SLC2A9: variants seen among roughly 807,000 people sequenced by gnomAD.
The protein encoded by SLC2A9 is solute carrier family 2 member 9.
Under a neutral mutation model 50.6 loss-of-function variants are expected in SLC2A9, and 39 were observed. That is an observed-to-expected ratio of 0.77 (90% confidence interval 0.60 to 1.01). The LOEUF is 1.01. Among genes scored for constraint, SLC2A9 ranks in the 50% least tolerant of loss-of-function variants. The pLI, the probability that SLC2A9 is intolerant of heterozygous loss-of-function variation, is 0.00. For missense variants in SLC2A9, 686 were observed against 677.6 expected (o/e 1.01, Z -0.14); for synonymous variants, 324 against 276.9 (o/e 1.17, Z -1.69).
At chr4:9,776,862 G>A (rs1054367186), downstream of SLC2A9, among the ~76,000 whole-genome samples, 18 of 152,096 alleles carry the variant, frequency 1.2e-4, no homozygotes, top group South Asian at 4.2e-4. Context: ...CCTCACCATG[G>A]CAACAGGGCT....
rs138277108 is a variant in SLC2A9, at chr4:9,771,877, G to A, written n.182-508C>T. Among the ~76,000 whole-genome samples, 486 of 152,310 alleles carry A rather than the reference G, an allele frequency of 3.2e-3. 2 individuals carry two copies. The highest frequency in any genetic ancestry group is 9.7e-3 in the African/African-American group (402 of 41,572). ...ATTTCAGACAGGGGCAAGTGCAAAG[G>A]CACAGGGCCTGAAAGAACTAGGCTG... On this transcript the variant is annotated intron_variant and non_coding_transcript_variant, in intron 1 of 1. Coordinates refer to the SLC2A9 transcript ENST00000508585.
At chr4:10,013,781 A>G (rs1160369133) in intron 2 of SLC2A9, among the ~76,000 whole-genome samples, 1 of 152,186 alleles carries the variant, frequency 6.6e-6, no homozygotes, top group Non-Finnish European at 1.5e-5. Flanking sequence ...CCCTGAAGGT[A>G]AATGCCCACT....
chr4:9,978,712 G>T (rs1755221676), intron 5 of SLC2A9, among the ~76,000 whole-genome samples: 2 of 152,182 alleles, frequency 1.3e-5, no homozygotes, highest in Non-Finnish European at 2.9e-5. Flanking sequence ...AATGTGAGTT[G>T]TTTCTGTTTT....
intron 3 of SLC2A9, among the ~76,000 whole-genome samples, chr4:9,815,588 C>G (rs1723464922): frequency 6.6e-6 from 1 of 152,200 alleles, no homozygotes; most frequent in Non-Finnish European, 1.5e-5. Flanking sequence ...AGGAGGGTGG[C>G]CGGTGAGCCT....
At chr4:9,978,792 T>C (rs1212188562) in intron 5 of SLC2A9, among the ~76,000 whole-genome samples, 1 of 152,252 alleles carries the variant, frequency 6.6e-6, no homozygotes, top group Non-Finnish European at 1.5e-5. Flanking sequence ...CAGAAGCAGA[T>C]GCCTCTGAGG....
chr4:9,964,917 T>C (rs1320870482), intron 5 of SLC2A9, among the ~76,000 whole-genome samples: 1 of 152,212 alleles, frequency 6.6e-6, no homozygotes, highest in East Asian at 1.9e-4. Flanking sequence ...ACTGCCTCCC[T>C]GCTGCAGACA....
At chr4:9,931,333 C>T (rs1745866537) in intron 6 of SLC2A9, among the ~76,000 whole-genome samples, 1 of 152,160 alleles carries the variant, frequency 6.6e-6, no homozygotes, top group Admixed American at 6.5e-5. Context: ...ATTGCATTTC[C>T]CAACTGGGAA....
At chr4:9,977,564 C>T (rs1300610408) in intron 5 of SLC2A9, among the ~76,000 whole-genome samples, 1 of 148,806 alleles carries the variant, frequency 6.7e-6, no homozygotes, top group Non-Finnish European at 1.5e-5. Flanking sequence ...TCCCCCTCCC[C>T]CTGCTCCTGA....
intron 10 of SLC2A9, among the ~76,000 whole-genome samples, chr4:9,878,781 GA>G (rs1450188927): frequency 6.6e-6 from 1 of 152,090 alleles, no homozygotes; most frequent in African/African-American, 2.4e-5. Context: ...GTTGGTGTCT[GA>G]AGTGAGGGCA....
intron 6 of SLC2A9, among the ~76,000 whole-genome samples, chr4:9,931,984 A>C (rs1560329841): frequency 9.1e-5 from 7 of 76,684 alleles, no homozygotes; most frequent in Non-Finnish European, 1.4e-4. Flanking sequence ...ATATATATAT[A>C]TATATATATA....
chr4:9,977,489 T>C lies in SLC2A9; in HGVS notation c.681+3103A>G, dbSNP rs575812260. Among the ~76,000 whole-genome samples the C allele has an allele frequency of 2.0e-5, 3 of 152,032 alleles. No individual in the cohort carries two copies. In the East Asian group the frequency reaches 5.8e-4, roughly 29 times the overall value. ...TCCTTCCCTGTGCTCATTTACAGCA[T>C]AGGTGTGGCCCTCTCTGCTGCCTGC... On this transcript the variant is annotated intron_variant, in intron 5 of 11. Transcript: ENST00000264784.
intron 10 of SLC2A9, among the ~76,000 whole-genome samples, chr4:9,846,341 C>A (rs955752048): frequency 2.6e-5 from 4 of 152,220 alleles, no homozygotes; most frequent in African/African-American, 9.6e-5. Flanking sequence ...CTCCTCCCCT[C>A]ACAGGATGTA....
At chr4:9,825,913 G>A (rs543692611), downstream of SLC2A9, among the ~76,000 whole-genome samples, 4 of 152,312 alleles carry the variant, frequency 2.6e-5, no homozygotes, top group African/African-American at 7.2e-5. Context: ...GGAAGCCTAG[G>A]GTCATTGAGG....
chr4:9,832,228 G>C (rs974650999), intron 11 of SLC2A9, among the ~76,000 whole-genome samples: 1 of 152,124 alleles, frequency 6.6e-6, no homozygotes, highest in Non-Finnish European at 1.5e-5. Flanking sequence ...ATGGGCGGGC[G>C]TGAGTGGGGC....
intron 8 of SLC2A9, among the ~76,000 whole-genome samples, chr4:9,904,260 AT>A (rs1441022089): frequency 6.6e-6 from 1 of 152,196 alleles, no homozygotes. Context: ...TGCAAACACG[AT>A]GGTGTCTGCA....
upstream of SLC2A9, among the ~76,000 whole-genome samples, chr4:10,022,719 T>G (rs1763588869): frequency 6.6e-6 from 1 of 151,870 alleles, no homozygotes; most frequent in South Asian, 2.1e-4. Context: ...AAGCACACAA[T>G]AAAATAAAAG....
At chr4:9,791,321 G>T (rs1577291076) in intron 3 of SLC2A9, among the ~76,000 whole-genome samples, 1 of 152,202 alleles carries the variant, frequency 6.6e-6, no homozygotes, top group East Asian at 1.9e-4. Context: ...GCTAATCCAT[G>T]CCTGTTACAC....
chr4:9,864,855 T>G (rs984329944), intron 10 of SLC2A9, among the ~76,000 whole-genome samples: 6 of 152,242 alleles, frequency 3.9e-5, no homozygotes, highest in African/African-American at 1.2e-4. Flanking sequence ...TGTGGTTAAG[T>G]CGAGGATCTT....
At chr4:9,811,254 T>C (rs1722854633) in intron 3 of SLC2A9, among the ~76,000 whole-genome samples, 1 of 152,230 alleles carries the variant, frequency 6.6e-6, no homozygotes, top group Non-Finnish European at 1.5e-5. Context: ...TCATCCTGCA[T>C]GCCCCTTTGG....
Sources: gnomAD v4.1 joint callset for allele counts (sites outside exome capture counted in the v4.1 genomes callset) on GRCh38, gnomAD v4.1.1 for gene constraint, MANE v1.5 for transcripts, NCBI Gene and HGNC (gene_info 2026-07-23, HGNC 2026-07-21) for gene names.